Variants in CREBRF observed in about 807,000 individuals in gnomAD.
CREBRF encodes UPF0474 protein C5orf41.
Under a neutral mutation model 66.1 loss-of-function variants are expected in CREBRF, and 5 were observed. The ratio of observed to expected loss-of-function variants is 0.08; its 90% confidence interval spans 0.04 to 0.16. The LOEUF (loss-of-function observed/expected upper bound fraction) is 0.16, where lower values mean the gene tolerates loss of function less well. CREBRF is among the 10% of genes least tolerant of loss of function. CREBRF has a pLI of 1.00. For synonymous variants in CREBRF, 229 were observed against 264.4 expected, an observed-to-expected ratio of 0.87 and a Z score of 1.30; for missense variants, 531 against 744.9, an observed-to-expected ratio of 0.71 and a Z score of 3.34.
chr5:173,086,081 A>C lies in CREBRF; in HGVS notation c.10-420A>C. 3.6e-6 allele frequency: 3 copies of C among 841,546 alleles called. No individual in the cohort carries two copies. In the South Asian group the frequency reaches 4.0e-5, roughly 11 times the overall value. 52.1% of individuals were successfully genotyped at this position (841,546 alleles called of 1,614,324 possible). A position where few individuals can be genotyped will look rare whatever the true frequency, so the allele number is the denominator to read the frequency against. ...GAGTGTATGGTTCTCTACCAATCAT[A>C]ACTGTGACTGCATAGTTGTCAAAAA... On this transcript the variant is annotated intron_variant, in intron 2 of 8. Coordinates refer to ENST00000296953, the MANE Select transcript of CREBRF (RefSeq NM_153607.3).
intron 1 of CREBRF, among the ~76,000 whole-genome samples, chr5:173,073,694 G>A (rs1361647734): frequency 6.6e-6 from 1 of 152,166 alleles, no homozygotes; most frequent in African/African-American, 2.4e-5. Flanking sequence ...AGGGCCGGGC[G>A]CAGTGGCTTA....
chr5:173,125,327 T>G (rs72816147), intron 8 of CREBRF, among the ~76,000 whole-genome samples: 5 of 152,172 alleles, frequency 3.3e-5, no homozygotes, highest in African/African-American at 9.6e-5. Flanking sequence ...TCTAATTATT[T>G]TCTGAATTCT....
At chr5:173,069,738 A>T (rs1426981216) in intron 1 of CREBRF, among the ~76,000 whole-genome samples, 1 of 152,164 alleles carries the variant, frequency 6.6e-6, no homozygotes, top group Non-Finnish European at 1.5e-5. Context: ...TCTCAGTGTT[A>T]AAAGAGATGA....
intron 1 of CREBRF, among the ~76,000 whole-genome samples, chr5:173,067,333 A>T (rs867838010): frequency 1.3e-5 from 2 of 152,240 alleles, no homozygotes; most frequent in Non-Finnish European, 2.9e-5. Flanking sequence ...AACACCCAAC[A>T]TTCATAAATA....
intron 2 of CREBRF, among the ~76,000 whole-genome samples, chr5:173,082,014 T>TTTTTTTTTTTTTTTTTTTTTTTG (rs1757966771): frequency 7.0e-5 from 8 of 113,852 alleles, no homozygotes; most frequent in Non-Finnish European, 1.6e-4. Flanking sequence ...TTTTTTTTTT[T>TTTTTTTTTTTTTTTTTTTTTTTG]TTTTTTTTTT....
intron 2 of CREBRF, among the ~76,000 whole-genome samples, chr5:173,083,531 G>A (rs1249001549): frequency 6.6e-6 from 1 of 152,088 alleles, no homozygotes; most frequent in African/African-American, 2.4e-5. Flanking sequence ...GGAGATTTTT[G>A]GGTATTTAGT....
At chr5:173,062,386 G>A (rs1272638485) in intron 1 of CREBRF, among the ~76,000 whole-genome samples, 1 of 152,140 alleles carries the variant, frequency 6.6e-6, no homozygotes, top group African/African-American at 2.4e-5. Flanking sequence ...AAGTAATAAA[G>A]TCTACTATTA....
chr5:173,103,452 C>T (rs1053687938), intron 4 of CREBRF, among the ~76,000 whole-genome samples: 2 of 152,146 alleles, frequency 1.3e-5, no homozygotes, highest in African/African-American at 4.8e-5. Flanking sequence ...TGGTGAGAAA[C>T]AGGAAGAAAT....
At chr5:173,073,663 A>G (rs919250360) in intron 1 of CREBRF, among the ~76,000 whole-genome samples, 9 of 152,222 alleles carry the variant, frequency 5.9e-5, no homozygotes, top group African/African-American at 2.2e-4. Flanking sequence ...TAATCCAGAA[A>G]CTTGCTTTAA....
chr5:173,082,302 C>CGTGCCTGGCCGA (rs70984936), intron 2 of CREBRF, among the ~76,000 whole-genome samples: 42,597 of 151,502 alleles, frequency 0.28, 6,953 homozygotes, highest in Non-Finnish European at 0.38. Flanking sequence ...CGTGAGCCAC[C>CGTGCCTGGCCGA]GTGCCTGGCC....
chr5:173,086,534 G>T lies in CREBRF; in HGVS notation c.43G>T (p.Asp15Tyr). ...AAGCGGAATGGATCCGCCTTTCGGG[G>T]ATGCCTTTCGAAGCCACACCTTTTC... ...SVSGMDPPFGDAFRSHTFSEQ... is the reference protein window; with the variant it reads ...SVSGMDPPFGYAFRSHTFSEQ... Residue 15 changes from aspartate (D) to tyrosine (Y), a missense_variant, in exon 3 of 9, where the codon GAT (aspartate) becomes TAT (tyrosine). Asp to Tyr is a radical substitution (Grantham distance 160). This residue lies in a region of CREBRF where 133 missense variants were observed against 215.6 expected (regional missense o/e 0.62). Transcript: ENST00000296953. The T allele has an allele frequency of 6.2e-7, 1 of 1,614,026 alleles. No homozygotes were observed. The highest frequency in any genetic ancestry group is 8.5e-7 in the Non-Finnish European group (1 of 1,179,968).
intron 7 of CREBRF, among the ~76,000 whole-genome samples, chr5:173,120,683 CTTTTTTTTTTTT>C (rs70984942): frequency 1.2e-4 from 6 of 51,220 alleles, no homozygotes; most frequent in South Asian, 8.7e-4. Flanking sequence ...GCCTGAGCCT[CTTTTTTTTTTTT>C]TTTTTTTTTT....
intron 1 of CREBRF, among the ~76,000 whole-genome samples, chr5:173,069,042 A>T (rs1189812685): frequency 6.6e-6 from 1 of 152,086 alleles, no homozygotes; most frequent in East Asian, 1.9e-4. Flanking sequence ...ACTGCACTCC[A>T]GCCTGGGCGA....
chr5:173,121,194 G>A (rs539563041), intron 7 of CREBRF, among the ~76,000 whole-genome samples: 121 of 152,244 alleles, frequency 7.9e-4, no homozygotes, highest in African/African-American at 2.8e-3. Flanking sequence ...TACCTGGGTA[G>A]GGGGTTGTCA....
chr5:173,065,926 G>A (rs927677150), intron 1 of CREBRF, among the ~76,000 whole-genome samples: 2 of 151,890 alleles, frequency 1.3e-5, no homozygotes. Flanking sequence ...GTGACCAACC[G>A]CACCTGGCCC....
intron 8 of CREBRF, among the ~76,000 whole-genome samples, chr5:173,126,833 A>T (rs939394503): frequency 6.6e-6 from 1 of 152,056 alleles, no homozygotes; most frequent in Non-Finnish European, 1.5e-5. Flanking sequence ...AATGTTTTCC[A>T]TGGGTTTATG....
At chr5:173,123,996 G>A (rs1759202980) in intron 8 of CREBRF, 1 of 152,040 alleles carries the variant, frequency 6.6e-6, no homozygotes, top group Non-Finnish European at 1.5e-5. Flanking sequence ...TTCTTTCATA[G>A]CATTTCTTTC....
intron 1 of CREBRF, among the ~76,000 whole-genome samples, chr5:173,077,839 G>A (rs1757811890): frequency 1.3e-5 from 2 of 152,054 alleles, no homozygotes; most frequent in Non-Finnish European, 2.9e-5. Flanking sequence ...GTCCTTTTGT[G>A]TCTATTTTAC....
intron 4 of CREBRF, among the ~76,000 whole-genome samples, chr5:173,104,740 A>AGAGT (rs375098647): frequency 0.026 from 3,742 of 146,106 alleles, 47 homozygotes; most frequent in African/African-American, 0.054. Flanking sequence ...AGAGAGAGAG[A>AGAGT]GTGTGTGTGT....
Sources: allele counts gnomAD v4.1 joint callset (sites outside exome capture counted in the v4.1 genomes callset), GRCh38; gene constraint gnomAD v4.1.1; regional missense constraint gnomAD v4.1.1; transcripts MANE v1.5; gene names NCBI Gene and HGNC (gene_info 2026-07-23, HGNC 2026-07-21).